The following ENOX2 variants were observed in gnomAD, a reference collection of about 807,000 sequenced individuals.
ENOX2 encodes the protein ecto-NOX disulfide-thiol exchanger 2.
In ENOX2, 36 loss-of-function variants were observed where a neutral mutation model predicts 45.0. The ratio of observed to expected loss-of-function variants is 0.80; its 90% CI spans 0.61 to 1.06. The LOEUF (loss-of-function observed/expected upper bound fraction) is 1.06. Ranked by LOEUF, ENOX2 falls within the 50% of genes least tolerant of loss-of-function variation. The probability of loss-of-function intolerance (pLI) is 0.00; values close to 1 mark genes in which losing one functional copy is unlikely to be tolerated. For synonymous variants in ENOX2, 174 were observed against 152.3 expected (o/e 1.14, Z -1.05); for missense variants, 423 against 462.5 (o/e 0.91, Z 0.78).
intron 10 of ENOX2, among the ~76,000 whole-genome samples, chrX:130,646,642 T>C (rs921406378): frequency 8.9e-6 from 1 of 112,504 alleles, no homozygotes; most frequent in Non-Finnish European, 1.9e-5. Context: ...CACAGGGACC[T>C]GTGACTTGTG....
At chrX:130,807,540 T>C (rs2077324493) in intron 2 of ENOX2, among the ~76,000 whole-genome samples, 1 of 111,815 alleles carries the variant, frequency 8.9e-6, no homozygotes, top group African/African-American at 3.3e-5. Context: ...TAATGGCAGA[T>C]CCAGCACTAG....
At chrX:130,770,654 C>T (rs2039718961) in intron 3 of ENOX2, among the ~76,000 whole-genome samples, 1 of 111,704 alleles carries the variant, frequency 9.0e-6, no homozygotes, top group Non-Finnish European at 1.9e-5. Context: ...AAAATATGCT[C>T]AAATTCAGTA....
At chrX:130,671,133 A>T (rs2148128928) in intron 6 of ENOX2, among the ~76,000 whole-genome samples, 1 of 111,876 alleles carries the variant, frequency 8.9e-6, no homozygotes, top group East Asian at 2.8e-4. Flanking sequence ...AATCCAGGAC[A>T]TTAGACTCTG....
At chrX:130,804,476 A>T (rs2077268242) in intron 2 of ENOX2, among the ~76,000 whole-genome samples, 1 of 111,965 alleles carries the variant, frequency 8.9e-6, no homozygotes, top group African/African-American at 3.2e-5. Flanking sequence ...CCTGAACATT[A>T]TAAGAGGTAG....
At chrX:130,662,335 A>G (rs1422743718) in intron 9 of ENOX2, among the ~76,000 whole-genome samples, 1 of 112,449 alleles carries the variant, frequency 8.9e-6, no homozygotes, top group African/African-American at 3.2e-5. Flanking sequence ...TTCTCTCAGC[A>G]GAGTAAGACC....
intron 7 of ENOX2, among the ~76,000 whole-genome samples, chrX:130,668,043 C>G (rs1163424318): frequency 9.3e-6 from 1 of 107,882 alleles, no homozygotes; most frequent in Admixed American, 9.9e-5. Context: ...TTGCAAATTT[C>G]TTACCCTCTC....
rs2035717759 is a variant in ENOX2 at position 130,631,508 on chromosome X, G to C, written c.1488C>G (p.Asn496Lys). The change falls in exon 13 of 15, where the codon AAC (asparagine) becomes AAG (lysine). Residue 496 changes from asparagine to lysine, a missense_variant. Physicochemically the swap from Asn to Lys is moderately conservative, Grantham distance 94 (BLOSUM62 0). Transcript: ENST00000394363. ...CACGTTCAGATTTGATAGGACTGCT[G>C]TTCATGGTCTTCTCAAGAGGGTATT... ...DSEYPLEKTM[N>K]SSPIKSEREA... The C allele has an allele frequency of 8.3e-7, 1 of 1,205,411 alleles. No homozygotes were observed. Among genetic ancestry groups the C allele is most frequent in the Non-Finnish European group, 1.1e-6 (1 of 889,790 alleles).
At chrX:130,892,633 T>C (rs909803311) in intron 2 of ENOX2, among the ~76,000 whole-genome samples, 3 of 112,730 alleles carry the variant, frequency 2.7e-5, no homozygotes, top group African/African-American at 6.4e-5. Flanking sequence ...ATGGAATGTG[T>C]GCCTTGCACG....
chrX:130,825,564 C>T (rs1033964177), intron 2 of ENOX2, among the ~76,000 whole-genome samples: 1 of 111,944 alleles, frequency 8.9e-6, no homozygotes, highest in Admixed American at 9.5e-5. Flanking sequence ...TTGCTTTCCA[C>T]AGTTTCAGTT....
intron 2 of ENOX2, among the ~76,000 whole-genome samples, chrX:130,808,741 A>G (rs2077345622): frequency 9.0e-6 from 1 of 111,637 alleles, no homozygotes; most frequent in South Asian, 3.8e-4. Flanking sequence ...AGACTAAAAA[A>G]TCGTTTTGAG....
chrX:130,765,473 A>G (rs2039593560), intron 3 of ENOX2, among the ~76,000 whole-genome samples: 1 of 111,288 alleles, frequency 9.0e-6, no homozygotes, highest in Admixed American at 9.6e-5. Context: ...AACATGCTCT[A>G]TGTAATCTTT....
intron 3 of ENOX2, among the ~76,000 whole-genome samples, chrX:130,720,548 C>T (rs1169797947): frequency 8.9e-6 from 1 of 111,979 alleles, no homozygotes; most frequent in African/African-American, 3.2e-5. Flanking sequence ...AGCACAGACC[C>T]ACAGAAGACA....
chrX:130,833,011 TCACACACACACACACACACA>T (rs10568834), intron 2 of ENOX2, among the ~76,000 whole-genome samples: 4 of 82,993 alleles, frequency 4.8e-5, no homozygotes, highest in Non-Finnish European at 7.4e-5. Context: ...TCATGTATAA[TCACACACACACACACACACA>T]CACACACACA....
In ENOX2 at chrX:130,736,557, T is replaced by C. The variant is rs150605348; in HGVS notation, c.-38-33303A>G. Among the ~76,000 whole-genome samples, 888 of 112,347 alleles carry C rather than the reference T, an allele frequency of 7.9e-3. 9 individuals are homozygous for C. Among genetic ancestry groups the C allele is most frequent in the South Asian group, 0.021 (55 of 2,673 alleles). On this transcript the variant is annotated intron_variant, in intron 3 of 14. Coordinates refer to ENST00000394363, the MANE Select transcript of ENOX2 (RefSeq NM_006375.4). ...AGCCCATGTAGTCACTTGTAACTAC[T>C]CTGCCTTCCCCTTTGCAGTGCTAAA...
chrX:130,728,249 A>G (rs949937955), intron 3 of ENOX2, among the ~76,000 whole-genome samples: 1 of 111,253 alleles, frequency 9.0e-6, no homozygotes, highest in Non-Finnish European at 1.9e-5. Context: ...CTCTGGTAGT[A>G]TAATCAGCAG....
In ENOX2 at chrX:130,749,775, T is replaced by G. The variant is rs182593932; in HGVS notation, c.-39+33772A>C. ...GACGGTAAGAGTGAGAGGGCACCTC[T>G]CCATTTATTTTGCAATTTGTCTCTC... On this transcript the variant is annotated intron_variant, in intron 3 of 14. Coordinates refer to ENST00000394363, the MANE Select transcript of ENOX2 (RefSeq NM_006375.4). Among the ~76,000 whole-genome samples, 488 of 110,315 alleles carry G rather than the reference T, an allele frequency of 4.4e-3. 7 individuals are homozygous for G. The highest frequency in any genetic ancestry group is 0.015 in the African/African-American group (453 of 30,366).
intron 10 of ENOX2, among the ~76,000 whole-genome samples, chrX:130,648,448 AAAG>A (rs2036302970): frequency 9.0e-6 from 1 of 111,005 alleles, no homozygotes; most frequent in Non-Finnish European, 1.9e-5. Flanking sequence ...CCAAAAAAAA[AAAG>A]AAGGAATTAA....
intron 4 of ENOX2, among the ~76,000 whole-genome samples, chrX:130,700,666 G>T (rs2037876250): frequency 8.9e-6 from 1 of 112,075 alleles, no homozygotes; most frequent in African/African-American, 3.2e-5. Flanking sequence ...GTACTGCTAA[G>T]AGTAGTAATA....
chrX:130,858,081 A>G (rs1250712566), intron 2 of ENOX2, among the ~76,000 whole-genome samples: 1 of 108,717 alleles, frequency 9.2e-6, no homozygotes, highest in Non-Finnish European at 1.9e-5. Flanking sequence ...TGGATTGGCT[A>G]GATGACAGGT....
Sources: gnomAD v4.1 joint callset for allele counts (sites outside exome capture counted in the v4.1 genomes callset) on GRCh38, gnomAD v4.1.1 for gene constraint, MANE v1.5 for transcripts, NCBI Gene and HGNC (gene_info 2026-07-23, HGNC 2026-07-21) for gene names.